The following TNS1 variants were observed in gnomAD, a reference collection of about 807,000 sequenced individuals.
TNS1 encodes the protein tensin-1.
Under a neutral mutation model 168.6 loss-of-function variants are expected in TNS1, and 62 were observed. The observed-to-expected ratio is 0.37, with a 90% CI of 0.30 to 0.45. The LOEUF is 0.45. Ranked by LOEUF, TNS1 falls within the 20% of genes least tolerant of loss-of-function variation. The pLI, the probability that TNS1 is intolerant of heterozygous loss-of-function variation, is 1.00. For synonymous variants in TNS1, 934 were observed against 933.2 expected, an observed-to-expected ratio of 1.00 and a Z score of -0.02; for missense variants, 2,240 against 2,339.4, an observed-to-expected ratio of 0.96 and a Z score of 0.88.
chr2:218,006,753 C>A (rs1323175496), upstream of TNS1, among the ~76,000 whole-genome samples: 1 of 152,124 alleles, frequency 6.6e-6, no homozygotes, highest in Non-Finnish European at 1.5e-5. Context: ...TGCCATAGAA[C>A]CCTCAACTCC....
At chr2:217,987,368 C>T (rs745841248) in intron 2 of TNS1, among the ~76,000 whole-genome samples, 15 of 152,142 alleles carry the variant, frequency 9.9e-5, no homozygotes, top group Admixed American at 2.0e-4. Flanking sequence ...CTATGACGCC[C>T]GCATGTCCAC....
At chr2:217,862,754 C>T (rs1174640386) in intron 18 of TNS1, among the ~76,000 whole-genome samples, 1 of 152,020 alleles carries the variant, frequency 6.6e-6, no homozygotes, top group African/African-American at 2.4e-5. Flanking sequence ...GGGAGTCCTC[C>T]CCACTGCCAG....
chr2:217,835,879 A>G lies in TNS1; in HGVS notation c.3204+136T>C, dbSNP rs1476388413. ...CCAGACTCCACATGTCAGAGAAGAG[A>G]GTTTGGGTGAGGACGTAGGGGGAGA... On this transcript the variant is annotated intron_variant, in intron 20 of 32. Transcript: ENST00000682258. 4 of 697,260 alleles carry G rather than the reference A, an allele frequency of 5.7e-6. No homozygotes were observed. The East Asian group carries it at 1.1e-4, about 19-fold the overall frequency. The allele number at this position is 697,260 out of a possible 1,614,324, so 43.2% of individuals were successfully genotyped here.
upstream of TNS1, among the ~76,000 whole-genome samples, chr2:218,011,452 C>T (rs1325700172): frequency 6.6e-6 from 1 of 152,124 alleles, no homozygotes; most frequent in African/African-American, 2.4e-5. Context: ...AGAAGAGGGG[C>T]GGAGGAGCTG....
rs1490671821 is a variant in TNS1, at chr2:217,849,094, G to A, written c.1430-7C>T. The A allele has an allele frequency of 4.4e-6, 7 of 1,605,732 alleles. No homozygotes were observed. The highest frequency in any genetic ancestry group is 1.1e-5 in the South Asian group (1 of 90,738). On this transcript the variant is annotated splice_polypyrimidine_tract_variant and splice_region_variant and intron_variant, in intron 18 of 32. Coordinates refer to ENST00000682258, the MANE Select transcript of TNS1 (RefSeq NM_001387777.1). ...TGCGTGTGTCCCACCACCTCTGCAA[G>A]GGACAGAGCCGGAGGGGAGACAACA...
In TNS1 at chr2:217,855,334, C is replaced by T. The variant is rs907340578; in HGVS notation, c.1430-6247G>A. ...TCATCCTGCCCGTGAAACTCCCAAC[C>T]TCCTGGGCAAATGCTTTCAGACTCA... On this transcript the variant is annotated intron_variant, in intron 18 of 32. Coordinates refer to ENST00000682258, the MANE Select transcript of TNS1 (RefSeq NM_001387777.1). Among the ~76,000 whole-genome samples the T allele has an allele frequency of 7.9e-5, 12 of 152,330 alleles. No individual in the cohort carries two copies. The East Asian group carries it at 2.1e-3, about 27-fold the overall frequency.
intron 3 of TNS1, among the ~76,000 whole-genome samples, chr2:217,939,977 T>C (rs895444534): frequency 4.6e-5 from 7 of 152,144 alleles, no homozygotes; most frequent in Admixed American, 1.3e-4. Flanking sequence ...CTCCAGACCA[T>C]TGGAGGGAAG....
intron 1 of TNS1, among the ~76,000 whole-genome samples, chr2:218,000,323 A>G (rs1958538819): frequency 6.6e-6 from 1 of 152,252 alleles, no homozygotes; most frequent in African/African-American, 2.4e-5. Context: ...CACAAGAACT[A>G]TCTCAGTCAC....
intron 3 of TNS1, among the ~76,000 whole-genome samples, chr2:217,934,340 T>A (rs1956487808): frequency 6.6e-6 from 1 of 152,052 alleles, no homozygotes; most frequent in Non-Finnish European, 1.5e-5. Flanking sequence ...GACCCCCAGC[T>A]CCTAAGGAGG....
chr2:217,806,023 G>A (rs573891403), intron 32 of TNS1, among the ~76,000 whole-genome samples: 2 of 152,302 alleles, frequency 1.3e-5, no homozygotes, highest in African/African-American at 4.8e-5. Flanking sequence ...GGGTCCACAG[G>A]GCATCCCCCA....
chr2:217,933,627 G>A (rs898646647), intron 3 of TNS1, among the ~76,000 whole-genome samples: 2 of 152,150 alleles, frequency 1.3e-5, no homozygotes, highest in Non-Finnish European at 2.9e-5. Flanking sequence ...CAGCAGAGAT[G>A]GGGGGAACAA....
intron 23 of TNS1, among the ~76,000 whole-genome samples, chr2:217,819,793 A>T (rs1025492437): frequency 6.6e-6 from 1 of 152,118 alleles, no homozygotes; most frequent in Admixed American, 6.5e-5. Flanking sequence ...TACATAAACT[A>T]GTATGTAGGG....
At chr2:218,003,903 C>T (rs1958619968), upstream of TNS1, among the ~76,000 whole-genome samples, 1 of 152,014 alleles carries the variant, frequency 6.6e-6, no homozygotes, top group South Asian at 2.1e-4. Flanking sequence ...CCACCTCTGC[C>T]CAGGGACAAT....
intron 18 of TNS1, among the ~76,000 whole-genome samples, chr2:217,868,543 G>A (rs1461428492): frequency 5.3e-5 from 8 of 152,264 alleles, no homozygotes; most frequent in Admixed American, 4.6e-4. Context: ...CCAAGGTCAG[G>A]TAGTGGTATT....
chr2:217,818,643 G>A lies in TNS1; in HGVS notation c.3689C>T (p.Ser1230Phe). Residue 1230 changes from serine (S) to phenylalanine (F), a missense_variant, in exon 24 of 33, where the codon TCT (serine) becomes TTT (phenylalanine). Transcript: ENST00000682258. Reference protein sequence around the residue: ...RSGSLGQPSPSAQRNYQSSSP... With the variant: ...RSGSLGQPSPFAQRNYQSSSP... ...AGAGCTCTGGTAGTTTCTCTGGGCA[G>A]ACGGGCTGGGCTGTCCCAGGCTGCC... 1 of 1,614,216 alleles carries A rather than the reference G, an allele frequency of 6.2e-7. No homozygotes were observed. The highest frequency in any genetic ancestry group is 8.5e-7 in the Non-Finnish European group (1 of 1,180,040).
At chr2:217,887,920 G>C (rs1951366935) in intron 12 of TNS1, among the ~76,000 whole-genome samples, 1 of 152,228 alleles carries the variant, frequency 6.6e-6, no homozygotes, top group Non-Finnish European at 1.5e-5. Context: ...AGACCAATCA[G>C]AATGTATTCT....
intron 2 of TNS1, among the ~76,000 whole-genome samples, chr2:217,981,081 G>A (rs530815846): frequency 3.9e-5 from 6 of 152,310 alleles, no homozygotes; most frequent in African/African-American, 1.4e-4. Flanking sequence ...AGAGGGCAAG[G>A]AGCATGCCTG....
At chr2:217,945,642 T>G (rs1957085649) in intron 3 of TNS1, among the ~76,000 whole-genome samples, 1 of 152,186 alleles carries the variant, frequency 6.6e-6, no homozygotes, top group Admixed American at 6.5e-5. Flanking sequence ...AGAGTGTGGA[T>G]GCTGTCCACA....
At chr2:217,926,616 G>T (rs1457680645) in intron 3 of TNS1, among the ~76,000 whole-genome samples, 1 of 152,236 alleles carries the variant, frequency 6.6e-6, no homozygotes, top group Non-Finnish European at 1.5e-5. Context: ...GCTCAGAGAA[G>T]TTAAGCAATT....
Sources: allele counts gnomAD v4.1 joint callset (sites outside exome capture counted in the v4.1 genomes callset), GRCh38; gene constraint gnomAD v4.1.1; transcripts MANE v1.5; gene names NCBI Gene and HGNC (gene_info 2026-07-23, HGNC 2026-07-21).